The following STRAP variants were observed in gnomAD, a reference collection of about 807,000 sequenced individuals.
STRAP encodes the protein serine-threonine kinase receptor-associated protein.
In STRAP, 16 loss-of-function variants were observed where a neutral mutation model predicts 47.0. The ratio of observed to expected loss-of-function variants is 0.34; its 90% confidence interval spans 0.23 to 0.52. STRAP has a LOEUF of 0.52. STRAP is among the 20% of genes least tolerant of loss of function. The pLI is 0.96. For synonymous variants in STRAP, 130 were observed against 142.7 expected (o/e 0.91, Z 0.63); for missense variants, 293 against 420.0 (o/e 0.70, Z 2.64).
Position 15,894,179 on chromosome 12 carries a change from G to A in STRAP, c.500+36G>A. 6.4e-7 allele frequency: 1 copy of A among 1,553,702 alleles called. No homozygotes were observed. Among genetic ancestry groups the A allele is most frequent in the Non-Finnish European group, 8.9e-7 (1 of 1,128,012 alleles). Reference sequence around the variant, plus strand: ...TTTCTTTAATAATTTACAATTTAAGGCCGGGCATGGTGGCTCACGCCTATA... The same window carrying A: ...TTTCTTTAATAATTTACAATTTAAGACCGGGCATGGTGGCTCACGCCTATA... On this transcript the variant is annotated intron_variant, in intron 5 of 9. Transcript: ENST00000419869. The surrounding 1 kb of genome is among the most constrained non-coding windows in gnomAD (Gnocchi z 4.9).
intron 2 of STRAP, among the ~76,000 whole-genome samples, chr12:15,885,541 C>T (rs1208183495): frequency 1.4e-5 from 2 of 143,744 alleles, no homozygotes; most frequent in African/African-American, 5.5e-5. Flanking sequence ...TGTAAATCTG[C>T]TGCCTCCTTC....
chr12:15,898,274 G>A (rs1017433334), intron 7 of STRAP: 1 of 222,842 alleles, frequency 4.5e-6, no homozygotes, highest in Admixed American at 6.1e-5. Flanking sequence ...CTGATGTTAT[G>A]TATTATGGTA....
intron 7 of STRAP, chr12:15,898,271 T>C (rs1948076301): frequency 4.3e-6 from 1 of 231,472 alleles, no homozygotes; most frequent in Non-Finnish European, 8.2e-6. Context: ...ATGCTGATGT[T>C]ATGTATTATG....
chr12:15,884,073 C>T (rs1443840751), intron 2 of STRAP, among the ~76,000 whole-genome samples: 1 of 152,132 alleles, frequency 6.6e-6, no homozygotes, highest in Non-Finnish European at 1.5e-5. Context: ...ATCATTAAAA[C>T]TCATTGTGTC....
chr12:15,889,124 C>G (rs906936718), intron 2 of STRAP, among the ~76,000 whole-genome samples: 1 of 151,618 alleles, frequency 6.6e-6, no homozygotes, highest in African/African-American at 2.4e-5. Context: ...CTTTTTTTTC[C>G]CCCTTCCTTA....
In STRAP at chr12:15,883,629, G is replaced by A; in HGVS notation, c.201G>A (p.Leu67=). ...GHKGAVWGAT[L]NKDATKAATA... ...AAGGTGCTGTTTGGGGTGCAACACT[G>A]AATAAGGATGCCACCAAAGCAGCTA... Residue 67 remains leucine (L), a synonymous_variant, in exon 2 of 10, where the codon CTG becomes CTA. Coordinates refer to ENST00000419869, the MANE Select transcript of STRAP (RefSeq NM_007178.4). 1 of 1,614,188 alleles carries A rather than the reference G, an allele frequency of 6.2e-7. No homozygotes were observed. The highest frequency in any genetic ancestry group is 8.5e-7 in the Non-Finnish European group (1 of 1,180,026).
At chr12:15,884,097 C>CA (rs377016324) in intron 2 of STRAP, among the ~76,000 whole-genome samples, 1 of 151,908 alleles carries the variant, frequency 6.6e-6, no homozygotes, top group African/African-American at 2.4e-5. Context: ...AACAAACAAA[C>CA]AAAAAAACAA....
At chr12:15,889,504 A>AT (rs1055521721) in intron 2 of STRAP, among the ~76,000 whole-genome samples, 9 of 151,952 alleles carry the variant, frequency 5.9e-5, no homozygotes, top group African/African-American at 2.2e-4. Context: ...ATTTATTTTT[A>AT]TTTTTTATTG....
In STRAP at chr12:15,890,487, C is replaced by A; in HGVS notation, c.331-110C>A. The A allele has an allele frequency of 1.1e-6, 1 of 890,254 alleles. No individual in the cohort carries two copies. 55.1% of individuals were successfully genotyped at this position (890,254 alleles called of 1,614,324 possible). On this transcript the variant is annotated intron_variant, in intron 3 of 9. Transcript: ENST00000419869. This position sits in a 1 kb window ranked among gnomAD's most constrained non-coding sequence, Gnocchi z 4.5. ...GAAGTAATTGGTTATGTCTTGGCAT[C>A]TCTTTGTGATGTCTGTGAGCTAGAT...
At chr12:15,898,626 G>C (rs1485936792) in intron 7 of STRAP, among the ~76,000 whole-genome samples, 1 of 152,014 alleles carries the variant, frequency 6.6e-6, no homozygotes, top group African/African-American at 2.4e-5. Flanking sequence ...AAAGGCATGG[G>C]GATTAATTTG....
rs74625209 is a variant in STRAP at position 15,896,712 on chromosome 12, G to A, written c.639-1170G>A. 2.8e-3 allele frequency among the ~76,000 whole-genome samples: 428 copies of A among 152,312 alleles called. 9 individuals carry two copies. In the East Asian group the frequency reaches 0.031, roughly 11 times the overall value. On this transcript the variant is annotated intron_variant, in intron 6 of 9. Coordinates refer to ENST00000419869, the MANE Select transcript of STRAP (RefSeq NM_007178.4). This position sits in a 1 kb window ranked among gnomAD's most constrained non-coding sequence, Gnocchi z 4.1. ...TCCCTGTTTTAGCACCACGGTGAAT[G>A]TTCTAGCACATCTCTGAGTGTTTCT...
chr12:15,882,425 A>C lies in STRAP; in HGVS notation c.-283A>C, dbSNP rs561497481. ...TGCCGATGCCGGTGTGGACGCTGTGAATCGTGGCTGGCCCGGTTCTCCGCT... is the reference window on the plus strand; with the variant it reads ...TGCCGATGCCGGTGTGGACGCTGTGCATCGTGGCTGGCCCGGTTCTCCGCT... On this transcript the variant is annotated 5_prime_UTR_variant, in exon 1 of 10. An upstream open reading frame in the 5' UTR loses its in-frame stop. Coordinates refer to ENST00000419869, the MANE Select transcript of STRAP (RefSeq NM_007178.4). 4 of 497,106 alleles carry C rather than the reference A, an allele frequency of 8.0e-6. No homozygotes were observed. Among genetic ancestry groups the C allele is most frequent in the Non-Finnish European group, 1.5e-5 (4 of 275,556 alleles). 30.8% of individuals were successfully genotyped at this position (497,106 alleles called of 1,614,324 possible).
intron 4 of STRAP, among the ~76,000 whole-genome samples, chr12:15,893,488 ATTCT>A (rs200791855): frequency 0.02 from 2,955 of 146,848 alleles, 97 homozygotes; most frequent in African/African-American, 0.069. Flanking sequence ...TATATATAAA[ATTCT>A]TTTTATTATA....
Position 15,882,782 on chromosome 12 carries a change from C to T in STRAP, c.75C>T (p.Ile25=). The part of the protein sequence containing the change: ...RPVVDLAFSG[I]TPYGYFLISA... ...TGGTTGATTTGGCCTTCAGTGGCATCACGCCTTATGGGTATTTCTTAATCA... is the reference window on the plus strand; with the variant it reads ...TGGTTGATTTGGCCTTCAGTGGCATTACGCCTTATGGGTATTTCTTAATCA... The change falls in exon 1 of 10, where the codon ATC becomes ATT. Residue 25 remains isoleucine, a synonymous_variant. Coordinates refer to ENST00000419869, the MANE Select transcript of STRAP (RefSeq NM_007178.4). The T allele has an allele frequency of 6.2e-7, 1 of 1,613,806 alleles. No individual in the cohort carries two copies. The highest frequency in any genetic ancestry group is 1.1e-5 in the South Asian group (1 of 90,958).
rs1366681484 is a variant in STRAP, at chr12:15,883,016, T to A, written c.112+197T>A. ...CCGCAGCTGGAGCCGAGAGGACGCT[T>A]TTGTAGAAACTATTACCTCCAACTA... is the stretch of plus-strand genomic sequence containing the variant. On this transcript the variant is annotated intron_variant, in intron 1 of 9. Coordinates refer to ENST00000419869, the MANE Select transcript of STRAP (RefSeq NM_007178.4). 3.3e-6 allele frequency: 5 copies of A among 1,516,888 alleles called. No individual in the cohort carries two copies. In the African/African-American group the frequency reaches 5.5e-5, roughly 17 times the overall value. 94.0% of individuals were successfully genotyped at this position (1,516,888 alleles called of 1,614,324 possible).
Position 15,895,486 on chromosome 12 carries a change from A to C in STRAP, c.628A>C (p.Ser210Arg). ...TTATGGACGATCTATTGCTTTTCAT[A>C]GTGCAGTAAGGTATGTCCAAGAAAT... ...ITYGRSIAFH[S>R]AVSLDPIKSF... Residue 210 changes from serine (S) to arginine (R), a missense_variant, in exon 6 of 10, where the codon AGT (serine) becomes CGT (arginine). Physicochemically the swap from Ser to Arg is moderately radical, Grantham distance 110. Transcript: ENST00000419869. 6.2e-7 allele frequency: 1 copy of C among 1,600,832 alleles called. No individual in the cohort carries two copies. Among genetic ancestry groups the C allele is most frequent in the Non-Finnish European group, 8.5e-7 (1 of 1,176,546 alleles).
intron 6 of STRAP, among the ~76,000 whole-genome samples, chr12:15,897,576 A>G (rs922580105): frequency 2.0e-5 from 3 of 152,206 alleles, no homozygotes; most frequent in Admixed American, 2.0e-4. Flanking sequence ...CAAAAATCCC[A>G]GTGTATTATT....
At chr12:15,895,212 TA>T in intron 5 of STRAP, 146 bp from the exon 6 acceptor site, 1 of 630,150 alleles carries the variant, frequency 1.6e-6, no homozygotes, top group Non-Finnish European at 2.5e-6. Context: ...GAATTTTTTT[TA>T]ATCATCTGTA....
intron 4 of STRAP, among the ~76,000 whole-genome samples, chr12:15,893,520 CTTTTTA>C (rs1478934138): frequency 1.4e-5 from 2 of 143,974 alleles, no homozygotes; most frequent in African/African-American, 5.1e-5. Context: ...TAAATATATA[CTTTTTA>C]TTTATTATAC....
Sources: gnomAD v4.1 joint callset for allele counts (sites outside exome capture counted in the v4.1 genomes callset) on GRCh38, gnomAD v4.1.1 for gene constraint, Gnocchi (gnomAD v3.1) non-coding constraint, MANE v1.5 for transcripts, NCBI Gene and HGNC (gene_info 2026-07-23, HGNC 2026-07-21) for gene names.